Variants in SUGCT observed in about 807,000 individuals in gnomAD.
SUGCT encodes succinyl-CoA:glutarate CoA-transferase.
A neutral mutation model predicts 55.0 loss-of-function variants in SUGCT; 41 were observed. The ratio of observed to expected loss-of-function variants is 0.74; its 90% CI spans 0.58 to 0.97. SUGCT has a LOEUF of 0.97. SUGCT is among the 50% of genes least tolerant of loss of function. The pLI, the probability that SUGCT is intolerant of heterozygous loss-of-function variation, is 0.00. For synonymous variants in SUGCT, 187 were observed against 200.4 expected, an observed-to-expected ratio of 0.93 and a Z score of 0.56; for missense variants, 568 against 547.8, an observed-to-expected ratio of 1.04 and a Z score of -0.37.
At chr7:40,181,520 CG>C (rs1234504940) in intron 2 of SUGCT, among the ~76,000 whole-genome samples, 2 of 151,732 alleles carry the variant, frequency 1.3e-5, no homozygotes, top group East Asian at 3.9e-4. Flanking sequence ...CTGAGGCGGG[CG>C]GATCATGAGG....
rs1789440722 is a variant in SUGCT, at chr7:40,455,610, T to A, written c.889-3491T>A. On this transcript the variant is annotated intron_variant, in intron 10 of 13. Coordinates refer to ENST00000335693, the MANE Select transcript of SUGCT (RefSeq NM_001193313.2). ...AGAAAACTTGTTTGCAACAAATTCT[T>A]GTGCAAATACTTATTTAACATTTGT... Among the ~76,000 whole-genome samples the A allele has an allele frequency of 2.0e-5, 3 of 152,232 alleles. No homozygotes were observed. The South Asian group carries it at 6.2e-4, about 31-fold the overall frequency.
the SUGCT span, among the ~76,000 whole-genome samples, chr7:40,896,210 GA>G: frequency 5.3e-5 from 8 of 150,904 alleles, no homozygotes; most frequent in African/African-American, 7.3e-5. Flanking sequence ...TTACCTATTT[GA>G]AAAAAAATAA....
rs576617735 is a variant in SUGCT, at chr7:40,548,984, C to T, written c.1089+52598C>T. 3.3e-5 allele frequency among the ~76,000 whole-genome samples: 5 copies of T among 152,224 alleles called. No individual in the cohort carries two copies. In the South Asian group the frequency reaches 6.2e-4, roughly 19 times the overall value. ...ATTGCCTAATAACCACCTTGTTACC[C>T]GGAGGCCCTCACTGAGCTCTTTCCT... On this transcript the variant is annotated intron_variant, in intron 12 of 13. Transcript: ENST00000335693.
intron 12 of SUGCT, among the ~76,000 whole-genome samples, chr7:40,646,289 C>T (rs71536695): frequency 0.018 from 2,728 of 152,320 alleles, 40 homozygotes; most frequent in Non-Finnish European, 0.026. Flanking sequence ...CCTTATTAGT[C>T]TTTCCACTTC....
At chr7:40,825,958 GT>G (rs1749998838) in intron 13 of SUGCT, among the ~76,000 whole-genome samples, 1 of 152,160 alleles carries the variant, frequency 6.6e-6, no homozygotes, top group African/African-American at 2.4e-5. Flanking sequence ...TACATATATA[GT>G]AAAGCTATTT....
chr7:40,288,637 C>A (rs546517630), intron 8 of SUGCT, among the ~76,000 whole-genome samples: 1 of 151,288 alleles, frequency 6.6e-6, no homozygotes, highest in Non-Finnish European at 1.5e-5. Flanking sequence ...GTGCTTATTA[C>A]CGACACCTAT....
intron 12 of SUGCT, among the ~76,000 whole-genome samples, chr7:40,643,049 T>A (rs1359830860): frequency 6.6e-6 from 1 of 152,210 alleles, no homozygotes; most frequent in Admixed American, 6.5e-5. Flanking sequence ...TTAAACCATC[T>A]GGATTATAAT....
chr7:40,282,799 G>C (rs140496933), intron 8 of SUGCT, among the ~76,000 whole-genome samples: 137 of 152,148 alleles, frequency 9.0e-4, no homozygotes, highest in African/African-American at 3.2e-3. Context: ...CCAGAAATTA[G>C]AGGTTACATA....
At chr7:40,647,765 C>T (rs1027685185) in intron 12 of SUGCT, among the ~76,000 whole-genome samples, 10 of 151,650 alleles carry the variant, frequency 6.6e-5, no homozygotes, top group Non-Finnish European at 1.5e-4. Context: ...GCAGGAGAAT[C>T]GCTTGAGCCC....
At chr7:40,466,647 G>A (rs777250080) in intron 11 of SUGCT, among the ~76,000 whole-genome samples, 2 of 152,312 alleles carry the variant, frequency 1.3e-5, no homozygotes, top group Non-Finnish European at 2.9e-5. Context: ...AACATGTGAA[G>A]CAATGATGGG....
intron 8 of SUGCT, among the ~76,000 whole-genome samples, chr7:40,307,367 C>G (rs1206283432): frequency 6.6e-6 from 1 of 152,052 alleles, no homozygotes; most frequent in Admixed American, 6.6e-5. Context: ...ACTATTTTTT[C>G]TTTACCAAGT....
the SUGCT span, among the ~76,000 whole-genome samples, chr7:40,991,573 G>C: frequency 6.6e-6 from 1 of 152,112 alleles, no homozygotes; most frequent in African/African-American, 2.4e-5. Context: ...GCACAATAAA[G>C]TGAAGTATGC....
chr7:40,747,583 A>G (rs1412552348), intron 12 of SUGCT, among the ~76,000 whole-genome samples: 1 of 152,206 alleles, frequency 6.6e-6, no homozygotes, highest in Non-Finnish European at 1.5e-5. Flanking sequence ...CTGGCATGAA[A>G]TCGTGGTCTG....
At position 40,559,656 on chromosome 7, in the gene SUGCT, T is replaced by C. The variant is rs185430811; in HGVS notation, c.1089+63270T>C. ...TTACTCTGACACACTTTTTCATCTTTGTTTGCTATACTTATACATTACTAT... is the reference window on the plus strand; with the variant it reads ...TTACTCTGACACACTTTTTCATCTTCGTTTGCTATACTTATACATTACTAT... On this transcript the variant is annotated intron_variant, in intron 12 of 13. Coordinates refer to ENST00000335693, the MANE Select transcript of SUGCT (RefSeq NM_001193313.2). Among the ~76,000 whole-genome samples the C allele has an allele frequency of 1.5e-3, 224 of 152,374 alleles. 1 individual carries two copies. Among genetic ancestry groups the C allele is most frequent in the African/African-American group, 5.1e-3 (211 of 41,590 alleles).
intron 13 of SUGCT, among the ~76,000 whole-genome samples, chr7:40,761,045 G>A (rs982140577): frequency 5.3e-5 from 8 of 152,186 alleles, no homozygotes; most frequent in Admixed American, 1.3e-4. Context: ...AATCACGCAT[G>A]TTTCTCTAAG....
At chr7:40,268,291 A>G (rs1791741729) in intron 7 of SUGCT, among the ~76,000 whole-genome samples, 2 of 152,064 alleles carry the variant, frequency 1.3e-5, no homozygotes, top group South Asian at 2.1e-4. Context: ...TGGCTAATCT[A>G]CCTTCTGTCT....
intron 13 of SUGCT, among the ~76,000 whole-genome samples, chr7:40,793,478 G>GTGC (rs1180402166): frequency 1.3e-5 from 2 of 152,102 alleles, no homozygotes; most frequent in Non-Finnish European, 2.9e-5. Context: ...AGAAGTCAGC[G>GTGC]TTCTAACTGT....
At chr7:40,659,636 G>C (rs907317900) in intron 12 of SUGCT, among the ~76,000 whole-genome samples, 2 of 152,178 alleles carry the variant, frequency 1.3e-5, no homozygotes, top group African/African-American at 4.8e-5. Context: ...GGGTCATATT[G>C]CAGGCTGGTT....
At chr7:40,865,085 T>G (rs1338173602), downstream of SUGCT, among the ~76,000 whole-genome samples, 1 of 151,980 alleles carries the variant, frequency 6.6e-6, no homozygotes, top group Non-Finnish European at 1.5e-5. Flanking sequence ...TTGAACCTCT[T>G]CCCCTCTCTC....
Sources: gnomAD v4.1 joint callset for allele counts (sites outside exome capture counted in the v4.1 genomes callset) on GRCh38, gnomAD v4.1.1 for gene constraint, MANE v1.5 for transcripts, NCBI Gene and HGNC (gene_info 2026-07-23, HGNC 2026-07-21) for gene names.